The following MBD5 variants were observed in gnomAD, a reference collection of about 807,000 sequenced individuals.
MBD5 encodes methyl-CpG-binding domain protein 5.
Under a neutral mutation model 117.3 loss-of-function variants are expected in MBD5, and 13 were observed. The observed-to-expected ratio is 0.11, with a 90% CI of 0.07 to 0.18. MBD5 has a LOEUF of 0.18. MBD5 is among the 10% of genes least tolerant of loss of function. The pLI, the probability that MBD5 is intolerant of heterozygous loss-of-function variation, is 1.00. For missense variants in MBD5, 1,879 were observed against 2,093.8 expected (o/e 0.90, Z 2.00); for synonymous variants, 727 against 766.4 (o/e 0.95, Z 0.85).
At chr2:148,242,470 ATGGCCAGTGTTC>A (rs1281231177) in intron 3 of MBD5, among the ~76,000 whole-genome samples, 1 of 152,174 alleles carries the variant, frequency 6.6e-6, no homozygotes, top group African/African-American at 2.4e-5. Context: ...GCATTACTGC[ATGGCCAGTGTTC>A]TGGGCTGTGT....
chr2:148,140,671 A>T (rs1697291551), intron 1 of MBD5, among the ~76,000 whole-genome samples: 1 of 152,198 alleles, frequency 6.6e-6, no homozygotes, highest in South Asian at 2.1e-4. Flanking sequence ...TACATTTTTG[A>T]GATAAGTAGG....
At chr2:148,406,442 G>A (rs1705079561) in intron 4 of MBD5, among the ~76,000 whole-genome samples, 1 of 152,240 alleles carries the variant, frequency 6.6e-6, no homozygotes, top group Non-Finnish European at 1.5e-5. Flanking sequence ...TCATCAGATT[G>A]TCAGCTTTTA....
intron 4 of MBD5, among the ~76,000 whole-genome samples, chr2:148,397,325 CTTTTTTT>C (rs34236548): frequency 2.0e-5 from 2 of 100,668 alleles, no homozygotes; most frequent in African/African-American, 3.8e-5. Flanking sequence ...TCTTCTGATC[CTTTTTTT>C]TTTTTTTTTT....
At chr2:148,480,212 CA>C (rs1681107439) in intron 8 of MBD5, among the ~76,000 whole-genome samples, 1 of 152,020 alleles carries the variant, frequency 6.6e-6, no homozygotes, top group Non-Finnish European at 1.5e-5. Flanking sequence ...GATGGTAAAG[CA>C]AAAATACACC....
Position 148,097,291 on chromosome 2 carries a change from T to G in MBD5, c.-925+75607T>G, listed in dbSNP as rs182530511. Reference sequence around the variant, plus strand: ...CACTACTGCATTGTACTAAACAAGGTAAGTTATATTGATCCATTCATTCAT... The same window carrying G: ...CACTACTGCATTGTACTAAACAAGGGAAGTTATATTGATCCATTCATTCAT... On this transcript the variant is annotated intron_variant, in intron 1 of 13. Coordinates refer to ENST00000642680, the MANE Select transcript of MBD5 (RefSeq NM_001378120.1). Among the ~76,000 whole-genome samples the G allele has an allele frequency of 5.5e-3, 837 of 152,284 alleles. 3 individuals carry two copies. The highest frequency in any genetic ancestry group is 9.6e-3 in the Non-Finnish European group (653 of 68,028).
intron 4 of MBD5, among the ~76,000 whole-genome samples, chr2:148,447,206 A>AGGAAGAAG (rs879545446): frequency 0.02 from 239 of 12,196 alleles, no homozygotes; most frequent in Non-Finnish European, 0.16. Flanking sequence ...AAAGAAAGAA[A>AGGAAGAAG]GAAAGAAAGA....
intron 2 of MBD5, among the ~76,000 whole-genome samples, chr2:148,213,539 T>C (rs943439105): frequency 1.3e-5 from 2 of 152,168 alleles, no homozygotes; most frequent in Non-Finnish European, 2.9e-5. Flanking sequence ...TAGGTGGATA[T>C]TGAAAAGTAA....
chr2:148,302,908 A>G (rs1176084765), intron 3 of MBD5, among the ~76,000 whole-genome samples: 1 of 151,156 alleles, frequency 6.6e-6, no homozygotes, highest in Non-Finnish European at 1.5e-5. Context: ...AGTGAAAAGT[A>G]AAATGATATA....
chr2:148,281,692 T>C (rs531986182), intron 3 of MBD5, among the ~76,000 whole-genome samples: 1 of 152,282 alleles, frequency 6.6e-6, no homozygotes, highest in East Asian at 1.9e-4. Flanking sequence ...TTTCTCTCTA[T>C]CTCTATCTCC....
intron 3 of MBD5, among the ~76,000 whole-genome samples, chr2:148,251,499 T>G (rs994336941): frequency 2.6e-5 from 4 of 152,212 alleles, no homozygotes; most frequent in Admixed American, 6.5e-5. Flanking sequence ...TTAATACCCA[T>G]TTATGATATT....
intron 1 of MBD5, among the ~76,000 whole-genome samples, chr2:148,047,849 G>C (rs1342824413): frequency 6.6e-6 from 1 of 152,148 alleles, no homozygotes; most frequent in Non-Finnish European, 1.5e-5. Context: ...GGGCTTCCTA[G>C]ACTAAGAGAA....
At chr2:148,042,341 T>C (rs1246215698) in intron 1 of MBD5, among the ~76,000 whole-genome samples, 2 of 152,162 alleles carry the variant, frequency 1.3e-5, no homozygotes, top group Non-Finnish European at 2.9e-5. Flanking sequence ...TCCTCCTTTT[T>C]ATGACTGATG....
At position 148,178,693 on chromosome 2, in the gene MBD5, C is replaced by T; in HGVS notation, c.-924-7C>T. 2.5e-6 allele frequency: 1 copy of T among 398,138 alleles called. No homozygotes were observed. Among genetic ancestry groups the T allele is most frequent in the Non-Finnish European group, 4.4e-6 (1 of 225,632 alleles). The allele number at this position is 398,138 out of a possible 1,614,324, so 24.7% of individuals were successfully genotyped here. On this transcript the variant is annotated splice_polypyrimidine_tract_variant and splice_region_variant and intron_variant, in intron 1 of 13. Coordinates refer to ENST00000642680, the MANE Select transcript of MBD5 (RefSeq NM_001378120.1). The stretch of plus-strand genomic sequence containing the variant: ...ATTCATTATATTTTCTTATGCTTCT[C>T]TTTTAGATGTACATTGAAGATGTCA...
intron 1 of MBD5, among the ~76,000 whole-genome samples, chr2:148,043,283 A>C: frequency 6.7e-6 from 1 of 149,764 alleles, no homozygotes; most frequent in South Asian, 2.1e-4. Flanking sequence ...AAAAAAATAA[A>C]AAAATAAATA....
intron 1 of MBD5, among the ~76,000 whole-genome samples, chr2:148,038,365 A>G (rs1694253833): frequency 1.3e-5 from 2 of 151,904 alleles, no homozygotes; most frequent in Non-Finnish European, 2.9e-5. Flanking sequence ...CAGGAGTCTT[A>G]TGTCCCTGGA....
intron 11 of MBD5, among the ~76,000 whole-genome samples, chr2:148,496,036 G>A (rs1681692436): frequency 6.6e-6 from 1 of 152,202 alleles, no homozygotes; most frequent in Non-Finnish European, 1.5e-5. Context: ...GTGTTTATCA[G>A]TGTTAGCTGT....
chr2:148,411,122 G>A (rs1414544666), intron 4 of MBD5, among the ~76,000 whole-genome samples: 1 of 152,100 alleles, frequency 6.6e-6, no homozygotes, highest in Non-Finnish European at 1.5e-5. Flanking sequence ...TTGATTTTCT[G>A]TTCCTGCATT....
intron 4 of MBD5, among the ~76,000 whole-genome samples, chr2:148,426,385 T>C (rs1375255212): frequency 1.3e-5 from 2 of 152,032 alleles, no homozygotes; most frequent in East Asian, 3.9e-4. Context: ...GGCATCACAC[T>C]ACCTGACTTC....
chr2:148,256,422 T>G (rs1369500830), intron 3 of MBD5, among the ~76,000 whole-genome samples: 3 of 152,246 alleles, frequency 2.0e-5, no homozygotes, highest in African/African-American at 7.2e-5. Flanking sequence ...TACCTGTTTC[T>G]GATGACCCAT....
Sources: gnomAD v4.1 joint callset for allele counts (sites outside exome capture counted in the v4.1 genomes callset) on GRCh38, gnomAD v4.1.1 for gene constraint, MANE v1.5 for transcripts, NCBI Gene and HGNC (gene_info 2026-07-23, HGNC 2026-07-21) for gene names.